RPN1: variants seen among roughly 807,000 people sequenced by gnomAD.
RPN1 encodes ribophorin I.
A neutral mutation model predicts 55.5 loss-of-function variants in RPN1; 12 were observed. The ratio of observed to expected loss-of-function variants is 0.22; its 90% CI spans 0.14 to 0.35. RPN1 has a LOEUF of 0.35. Among genes scored for constraint, RPN1 ranks in the 10% least tolerant of loss-of-function variants. The probability of loss-of-function intolerance (pLI) is 1.00; values close to 1 mark genes in which losing one functional copy is unlikely to be tolerated. For missense variants in RPN1, 679 were observed against 761.3 expected, an observed-to-expected ratio of 0.89 and a Z score of 1.27; for synonymous variants, 317 against 305.9, an observed-to-expected ratio of 1.04 and a Z score of -0.38.
intron 7 of RPN1, 110 bp downstream of exon 7, chr3:128,625,764 C>T: frequency 1.9e-6 from 3 of 1,571,470 alleles, no homozygotes; most frequent in Non-Finnish European, 2.6e-6. Context: ...CAGAAGACGC[C>T]ATGAGCTCAA....
intron 2 of RPN1, among the ~76,000 whole-genome samples, chr3:128,643,592 T>C (rs942191160): frequency 6.6e-6 from 1 of 152,024 alleles, no homozygotes; most frequent in Non-Finnish European, 1.5e-5. Flanking sequence ...GGTCAGGAGT[T>C]CAAGACCAGC....
intron 4 of RPN1, among the ~76,000 whole-genome samples, chr3:128,630,842 G>A (rs757832203): frequency 5.3e-5 from 8 of 152,168 alleles, no homozygotes; most frequent in East Asian, 1.9e-4. Context: ...GGCCGGGCAC[G>A]GTGGCTCACG....
intron 6 of RPN1, 74 bp downstream of exon 6, chr3:128,626,659 T>A (rs942958434): frequency 1.5e-6 from 2 of 1,301,894 alleles, no homozygotes; most frequent in Non-Finnish European, 2.2e-6. Flanking sequence ...CCCTAGAACA[T>A]AGGCTCTCCT....
intron 2 of RPN1, among the ~76,000 whole-genome samples, chr3:128,639,209 T>C (rs1039332399): frequency 1.3e-4 from 20 of 151,974 alleles, no homozygotes; most frequent in Non-Finnish European, 2.5e-4. Context: ...TCCCAGCACT[T>C]TGGGAGACCG....
rs1576791034 is a variant in RPN1, at chr3:128,622,325, G to A, written c.1480C>T (p.Arg494Cys). 3 of 1,614,200 alleles carry A rather than the reference G, an allele frequency of 1.9e-6. No individual in the cohort carries two copies. Among genetic ancestry groups the A allele is most frequent in the Non-Finnish European group, 2.5e-6 (3 of 1,180,034 alleles). ...CTATTGACGGTCTCGTCAAAGTGAC[G>A]GTAAAGGCCTATTCTCTTGTTGACC... is the stretch of plus-strand genomic sequence containing the variant. Reference protein sequence around the residue: ...TLVNKRIGLYRHFDETVNRYK... With the variant: ...TLVNKRIGLYCHFDETVNRYK... The change falls in exon 9 of 10, where the codon CGT becomes TGT. Residue 494 changes from arginine (R) to cysteine (C), a missense_variant. Physicochemically the swap from Arg to Cys is radical, Grantham distance 180. Coordinates refer to ENST00000296255, the MANE Select transcript of RPN1 (RefSeq NM_002950.4).
At chr3:128,628,470 G>A (rs1318179000) in intron 5 of RPN1, among the ~76,000 whole-genome samples, 1 of 46,236 alleles carries the variant, frequency 2.2e-5, no homozygotes, top group African/African-American at 8.5e-5. Flanking sequence ...TTAGAGACAG[G>A]GTCTTGCTCT....
Position 128,639,310 on chromosome 3 carries a change from C to T in RPN1, c.327-1205G>A, listed in dbSNP as rs905499577. 5.3e-5 allele frequency among the ~76,000 whole-genome samples: 8 copies of T among 151,616 alleles called. No homozygotes were observed. The East Asian group carries it at 8.0e-4, about 15-fold the overall frequency. On this transcript the variant is annotated intron_variant, in intron 2 of 9. Transcript: ENST00000296255. ...TACTAAAAATACAAAAAAAAATAGC[C>T]GGGCGTTGTGGCGGGCACCTGTAGT... is the stretch of plus-strand genomic sequence containing the variant.
rs964889944 is a variant in RPN1, at chr3:128,622,245, C to T, written c.1560G>A (p.Glu520=). The T allele has an allele frequency of 6.2e-7, 1 of 1,614,242 alleles. No homozygotes were observed. The highest frequency in any genetic ancestry group is 8.5e-7 in the Non-Finnish European group (1 of 1,180,036). The change falls in exon 9 of 10, where the codon GAG becomes GAA. Residue 520 remains glutamate, a synonymous_variant. Coordinates refer to ENST00000296255, the MANE Select transcript of RPN1 (RefSeq NM_002950.4). ...CACTGGTCAAGGCCTTGTGTTCAGT[C>T]TCCAGGCTCTTCTTGCCACTGTTGA... ...STLNSGKKSL[E]TEHKALTSEI...
chr3:128,624,484 A>G (rs1050326787), intron 8 of RPN1, among the ~76,000 whole-genome samples: 99 of 148,882 alleles, frequency 6.6e-4, no homozygotes, highest in Middle Eastern at 7.1e-3. Flanking sequence ...CGTCTCAGGA[A>G]AAAAAAAAAA....
At chr3:128,635,892 T>C (rs374686268) in intron 3 of RPN1, among the ~76,000 whole-genome samples, 10 of 151,686 alleles carry the variant, frequency 6.6e-5, no homozygotes, top group African/African-American at 2.4e-4. Flanking sequence ...TACATACAAC[T>C]TGTTATGTAT....
chr3:128,639,450 C>G (rs1287037341), intron 2 of RPN1, among the ~76,000 whole-genome samples: 2 of 118,008 alleles, frequency 1.7e-5, no homozygotes, highest in Non-Finnish European at 3.4e-5. Context: ...GAGATACCGT[C>G]TCAAGAAAAA....
Position 128,630,014 on chromosome 3 carries a change from C to G in RPN1, c.973G>C (p.Gly325Arg), listed in dbSNP as rs751653612. The change falls in exon 5 of 10, where the codon GGG (glycine) becomes CGG (arginine). Residue 325 changes from glycine to arginine, a missense_variant. Gly to Arg is a moderately radical substitution (Grantham distance 125, BLOSUM62 -2). Transcript: ENST00000296255. ...EIRPRFPLFG[G>R]WKTHYIVGYN... is the part of the protein sequence containing the mutation. ...CCAACGATGTAATGGGTCTTCCACC[C>G]GCCAAAGAGAGGGAAGCGAGGCCGG... 1 of 1,613,826 alleles carries G rather than the reference C, an allele frequency of 6.2e-7. No homozygotes were observed. The highest frequency in any genetic ancestry group is 8.5e-7 in the Non-Finnish European group (1 of 1,179,778).
At chr3:128,635,646 T>G (rs1361153623) in intron 3 of RPN1, among the ~76,000 whole-genome samples, 496 of 16,734 alleles carry the variant, frequency 0.03, 6 homozygotes, top group African/African-American at 0.08. Flanking sequence ...TATAGATATA[T>G]ATATATATAT....
chr3:128,650,473 G>A, intron 1 of RPN1, 67 bp downstream of exon 1: 1 of 1,447,692 alleles, frequency 6.9e-7, no homozygotes, highest in Non-Finnish European at 9.2e-7. Flanking sequence ...GGGCGGAGTC[G>A]GGGGACCGCC....
At chr3:128,623,225 TG>T (rs1235763698) in intron 8 of RPN1, among the ~76,000 whole-genome samples, 1 of 152,156 alleles carries the variant, frequency 6.6e-6, no homozygotes, top group Non-Finnish European at 1.5e-5. Flanking sequence ...GGTAACATAA[TG>T]AGACTCCGTC....
chr3:128,646,439 C>G (rs1401962581), intron 1 of RPN1, among the ~76,000 whole-genome samples: 1 of 151,420 alleles, frequency 6.6e-6, no homozygotes, highest in Non-Finnish European at 1.5e-5. Flanking sequence ...TCCCAGCACT[C>G]TGACAGGCAG....
Position 128,630,094 on chromosome 3 carries a change from C to A in RPN1, c.893G>T (p.Gly298Val), listed in dbSNP as rs1325527286. The change falls in exon 5 of 10, where the codon GGC becomes GTC. Residue 298 changes from glycine to valine, a missense_variant. Transcript: ENST00000296255. ...AQDVYYRDEI[G>V]NVSTSHLLIL... ...AAGGAGGTGGCTGGTAGAAACATTG[C>A]CAATCTCATCCCGGTAATAAACATC... 6.2e-7 allele frequency: 1 copy of A among 1,613,264 alleles called. No homozygotes were observed. The highest frequency in any genetic ancestry group is 8.5e-7 in the Non-Finnish European group (1 of 1,179,474).
In RPN1 at chr3:128,620,513, A is replaced by C. The variant is rs1192194851; in HGVS notation, c.1722T>G (p.Ala574=). 2 of 1,614,070 alleles carry C rather than the reference A, an allele frequency of 1.2e-6. No homozygotes were observed. Among genetic ancestry groups the C allele is most frequent in the Non-Finnish European group, 1.7e-6 (2 of 1,180,032 alleles). ...TGTACGTGTCTTTCTTGAGCTTGCC[A>C]GCCACCAGGCGCTCAGCCTCCACCG... The part of the protein sequence containing the change: ...KSAVEAERLV[A]GKLKKDTYIE... Residue 574 remains alanine (A), a synonymous_variant, in exon 10 of 10, where the codon GCT becomes GCG. Coordinates refer to ENST00000296255, the MANE Select transcript of RPN1 (RefSeq NM_002950.4).
chr3:128,636,493 AAAAAAG>A (rs1049147572), intron 3 of RPN1, among the ~76,000 whole-genome samples: 1 of 152,078 alleles, frequency 6.6e-6, no homozygotes, highest in Non-Finnish European at 1.5e-5. Flanking sequence ...GACAAAAAAA[AAAAAAG>A]AAACAATTAT....
Sources: gnomAD v4.1 joint callset for allele counts (sites outside exome capture counted in the v4.1 genomes callset) on GRCh38, gnomAD v4.1.1 for gene constraint, MANE v1.5 for transcripts, NCBI Gene and HGNC (gene_info 2026-07-23, HGNC 2026-07-21) for gene names.